Variants in MYO5B observed in about 807,000 individuals in gnomAD.
The protein encoded by MYO5B is unconventional myosin-Vb.
MYO5B carries 143 observed loss-of-function variants against 229.3 expected under a neutral mutation model. That is an observed-to-expected ratio of 0.62 (90% CI 0.54 to 0.72). The LOEUF (loss-of-function observed/expected upper bound fraction) is 0.72. Ranked by LOEUF, MYO5B falls within the 30% of genes least tolerant of loss-of-function variation. The pLI is 0.00. For synonymous variants in MYO5B, 918 were observed against 885.2 expected (o/e 1.04, Z -0.66); for missense variants, 2,321 against 2,331.0 (o/e 1.00, Z 0.09).
chr18:49,853,097 A>G (rs1286816422), intron 31 of MYO5B, among the ~76,000 whole-genome samples: 1 of 152,224 alleles, frequency 6.6e-6, no homozygotes, highest in African/African-American at 2.4e-5. Flanking sequence ...GTTTTGATCA[A>G]TGGGCAGAAG....
At chr18:50,137,426 G>A (rs1312516062) in intron 1 of MYO5B, among the ~76,000 whole-genome samples, 5 of 152,166 alleles carry the variant, frequency 3.3e-5, no homozygotes, top group Non-Finnish European at 5.9e-5. Context: ...AATGGTGAAG[G>A]AACCTAGACA....
chr18:50,109,971 C>T (rs1284763862), intron 1 of MYO5B, among the ~76,000 whole-genome samples: 1 of 152,086 alleles, frequency 6.6e-6, no homozygotes, highest in African/African-American at 2.4e-5. Context: ...CCTCAAAGGC[C>T]CTACCCAGTC....
At chr18:50,029,499 C>T (rs1815936) in intron 4 of MYO5B, among the ~76,000 whole-genome samples, 148,913 of 152,306 alleles carry the variant, frequency 0.98, 72,895 homozygotes, top group East Asian at 1. Context: ...GAAAAGTTCA[C>T]CCAAAATTCA....
At chr18:50,147,193 G>A (rs1026333625) in intron 1 of MYO5B, among the ~76,000 whole-genome samples, 5 of 152,026 alleles carry the variant, frequency 3.3e-5, no homozygotes, top group African/African-American at 4.8e-5. Context: ...AGCCCAACAC[G>A]CCTTTCAGAG....
chr18:50,083,403 T>C (rs564432135), intron 1 of MYO5B, among the ~76,000 whole-genome samples: 1 of 152,298 alleles, frequency 6.6e-6, no homozygotes, highest in Non-Finnish European at 1.5e-5. Flanking sequence ...AATCATGCCT[T>C]GGTCTCTCCG....
chr18:50,176,770 A>G (rs1251650378), intron 1 of MYO5B, among the ~76,000 whole-genome samples: 4 of 152,268 alleles, frequency 2.6e-5, no homozygotes, highest in South Asian at 2.1e-4. Context: ...ACTGTAGTAC[A>G]TAAAATCAAC....
At chr18:49,853,746 A>C in intron 30 of MYO5B, 99 bp from the exon 31 acceptor site, 3 of 1,119,272 alleles carry the variant, frequency 2.7e-6, no homozygotes, top group Non-Finnish European at 3.9e-6. Context: ...CCAAGCACAC[A>C]GCAGCAGCGG....
intron 1 of MYO5B, among the ~76,000 whole-genome samples, chr18:50,086,678 C>T (rs2031337328): frequency 6.6e-6 from 1 of 152,166 alleles, no homozygotes; most frequent in African/African-American, 2.4e-5. Context: ...TGTGGAAATG[C>T]CAAGGCTGGG....
intron 16 of MYO5B, among the ~76,000 whole-genome samples, chr18:49,935,952 T>G (rs560245227): frequency 4.0e-4 from 61 of 152,356 alleles, no homozygotes; most frequent in Non-Finnish European, 7.5e-4. Context: ...AATTTAACAC[T>G]TGCTGTGAGA....
intron 9 of MYO5B, among the ~76,000 whole-genome samples, chr18:49,978,866 G>A (rs1372629875): frequency 2.0e-5 from 3 of 152,070 alleles, no homozygotes; most frequent in South Asian, 2.1e-4. Flanking sequence ...GAGCACATCT[G>A]TCACCTTTCC....
intron 1 of MYO5B, among the ~76,000 whole-genome samples, chr18:50,110,781 C>T (rs1235467296): frequency 1.3e-5 from 2 of 151,904 alleles, no homozygotes; most frequent in African/African-American, 2.4e-5. Flanking sequence ...GGCTATAAAC[C>T]ACCTAGAAGA....
chr18:49,891,604 C>T (rs2024715606), intron 22 of MYO5B, among the ~76,000 whole-genome samples: 1 of 152,118 alleles, frequency 6.6e-6, no homozygotes, highest in East Asian at 1.9e-4. Flanking sequence ...GTCAGTGTCC[C>T]CTTCCTAATA....
intron 1 of MYO5B, among the ~76,000 whole-genome samples, chr18:50,100,189 C>T (rs954819636): frequency 2.0e-5 from 3 of 152,202 alleles, no homozygotes; most frequent in Non-Finnish European, 2.9e-5. Flanking sequence ...TGGATATTCA[C>T]TAGAGTAAAT....
chr18:49,987,242 C>T (rs2144304523), intron 7 of MYO5B, among the ~76,000 whole-genome samples: 1 of 152,246 alleles, frequency 6.6e-6, no homozygotes, highest in South Asian at 2.1e-4. Flanking sequence ...CCACCTGGGT[C>T]AGTTACAGCA....
intron 1 of MYO5B, among the ~76,000 whole-genome samples, chr18:50,115,400 T>C (rs774015647): frequency 5.9e-5 from 9 of 152,220 alleles, no homozygotes; most frequent in Non-Finnish European, 1.3e-4. Flanking sequence ...TCAACAGTTA[T>C]GCAACCCTCT....
chr18:50,042,720 C>T (rs185173444), intron 2 of MYO5B, among the ~76,000 whole-genome samples: 1 of 152,222 alleles, frequency 6.6e-6, no homozygotes, highest in Non-Finnish European at 1.5e-5. Flanking sequence ...AGCATCCCAA[C>T]CACACCTCGG....
intron 10 of MYO5B, among the ~76,000 whole-genome samples, chr18:49,969,087 T>C (rs549568543): frequency 7.9e-5 from 12 of 152,310 alleles, no homozygotes; most frequent in African/African-American, 2.9e-4. Context: ...CTGCAAGGTT[T>C]GAGAACACTG....
intron 1 of MYO5B, among the ~76,000 whole-genome samples, chr18:50,163,254 C>T (rs2032796565): frequency 6.6e-6 from 1 of 152,152 alleles, no homozygotes; most frequent in Non-Finnish European, 1.5e-5. Flanking sequence ...GGGAAAAAGT[C>T]ATGCACACGA....
Position 49,840,804 on chromosome 18 carries a change from G to A in MYO5B, c.4701+561C>T, listed in dbSNP as rs151092986. ...GGGCCTTACAGGTCCGGTGTGGATTGTGAAGTGATGGGGTTAGTAGTTGGG... is the reference window on the plus strand; with the variant it reads ...GGGCCTTACAGGTCCGGTGTGGATTATGAAGTGATGGGGTTAGTAGTTGGG... On this transcript the variant is annotated intron_variant, in intron 35 of 39. Transcript: ENST00000285039. Among the ~76,000 whole-genome samples the A allele has an allele frequency of 1.6e-4, 25 of 152,340 alleles. No homozygotes were observed. In the South Asian group the frequency reaches 3.1e-3, roughly 19 times the overall value.
Sources: allele counts gnomAD v4.1 joint callset (sites outside exome capture counted in the v4.1 genomes callset), GRCh38; gene constraint gnomAD v4.1.1; transcripts MANE v1.5; gene names NCBI Gene and HGNC (gene_info 2026-07-23, HGNC 2026-07-21).